Variants in SLC35E4 observed in about 807,000 individuals in gnomAD.
SLC35E4 encodes solute carrier family 35 member E4.
Under a neutral mutation model 19.3 loss-of-function variants are expected in SLC35E4, and 15 were observed. The observed-to-expected ratio is 0.78, with a 90% CI of 0.52 to 1.20. SLC35E4 has a LOEUF of 1.20. Among genes scored for constraint, SLC35E4 ranks in the 50% most tolerant of loss-of-function variants. SLC35E4 has a pLI of 0.00. For synonymous variants in SLC35E4, 219 were observed against 219.9 expected (o/e 1.00, Z 0.04); for missense variants, 406 against 472.3 (o/e 0.86, Z 1.30).
downstream of SLC35E4, among the ~76,000 whole-genome samples, chr22:30,650,168 C>T (rs1423621725): frequency 2.1e-5 from 3 of 142,852 alleles, no homozygotes; most frequent in African/African-American, 7.9e-5. Flanking sequence ...CCCGTCTCTA[C>T]TAAAAATACA....
chr22:30,646,485 C>T (rs138747379), intron 1 of SLC35E4, 113 bp from the exon 2 acceptor site: 3 of 1,278,596 alleles, frequency 2.3e-6, no homozygotes, highest in Non-Finnish European at 3.2e-6. Context: ...AGCCACTAGC[C>T]CTGCCCGAGG....
chr22:30,638,286 G>A (rs1314353029), intron 1 of SLC35E4, among the ~76,000 whole-genome samples: 3 of 151,566 alleles, frequency 2.0e-5, no homozygotes, highest in African/African-American at 4.9e-5. Flanking sequence ...TGGATCATGA[G>A]GTCAGAAGTT....
At position 30,636,251 on chromosome 22, in the gene SLC35E4, CCTGT is replaced by C. The variant is rs2087942879; in HGVS notation, c.-196_-193del. The C allele has an allele frequency of 1.3e-6, 1 of 765,592 alleles. No individual in the cohort carries two copies. The highest frequency in any genetic ancestry group is 2.0e-6 in the Non-Finnish European group (1 of 511,518). The allele number at this position is 765,592 out of a possible 1,614,324, so 47.4% of individuals were successfully genotyped here. On this transcript the variant is annotated 5_prime_UTR_variant, in exon 1 of 2. Coordinates refer to ENST00000343605, the MANE Select transcript of SLC35E4 (RefSeq NM_001001479.4). ...CTAGCAGCCGCGACCTTGGCTCTGC[CCTGT>C]CTGAGCTGGAAACACAGCTTAGCTT...
At chr22:30,664,154 T>C, downstream of SLC35E4, 1 of 687,176 alleles carries the variant, frequency 1.5e-6, no homozygotes, top group Non-Finnish European at 2.5e-6. Context: ...GGGAAATGGA[T>C]GGATAGGCTT....
intron 2 of SLC35E4, among the ~76,000 whole-genome samples, chr22:30,653,002 T>C (rs1039936514): frequency 1.2e-4 from 19 of 152,194 alleles, no homozygotes; most frequent in African/African-American, 4.6e-4. Flanking sequence ...GGACATAACC[T>C]GGAGCCCTAT....
chr22:30,662,090 A>G (rs536602349), exon 3 of SLC35E4: 2 of 151,250 alleles, frequency 1.3e-5, no homozygotes, highest in South Asian at 2.1e-4. Context: ...CTTTGTAACA[A>G]TAAAGTGCTG....
Position 30,659,203 on chromosome 22 carries a change from G to A in SLC35E4, c.*9-2857G>A, listed in dbSNP as rs142573534. ...AGCCCACAGGAGACAGATGAGGATC[G>A]AACCGAAGAGGGTCAACTGCCTCCT... On this transcript the variant is annotated intron_variant, in intron 2 of 2. Coordinates refer to the SLC35E4 transcript ENST00000406566. Among the ~76,000 whole-genome samples the A allele has an allele frequency of 1.0e-2, 1,497 of 150,052 alleles. 13 individuals are homozygous for A. The highest frequency in any genetic ancestry group is 0.031 in the South Asian group (146 of 4,772).
At chr22:30,644,460 G>C (rs1275638460) in intron 1 of SLC35E4, among the ~76,000 whole-genome samples, 1 of 152,172 alleles carries the variant, frequency 6.6e-6, no homozygotes, top group Non-Finnish European at 1.5e-5. Context: ...TGTCATTTCA[G>C]CCAGGCGCAA....
At chr22:30,665,643 G>T, downstream of SLC35E4, 1 of 436,232 alleles carries the variant, frequency 2.3e-6, no homozygotes, top group Non-Finnish European at 4.7e-6. Flanking sequence ...TTAGCCCTAT[G>T]TTCTCTCCTT....
At chr22:30,654,125 G>A (rs917954777) in intron 2 of SLC35E4, 9 of 223,798 alleles carry the variant, frequency 4.0e-5, no homozygotes, top group Non-Finnish European at 8.0e-5. Flanking sequence ...GACTACGGGC[G>A]CCCGCCACCA....
intron 2 of SLC35E4, among the ~76,000 whole-genome samples, chr22:30,657,301 ACAC>A (rs771880972): frequency 1.2e-4 from 7 of 58,382 alleles, no homozygotes; most frequent in Non-Finnish European, 4.6e-4. Context: ...ACACACACAC[ACAC>A]ACAAATTAGC....
At chr22:30,658,366 C>CT (rs2088388215) in intron 2 of SLC35E4, among the ~76,000 whole-genome samples, 2 of 150,506 alleles carry the variant, frequency 1.3e-5, no homozygotes, top group African/African-American at 4.9e-5. Context: ...CAATGAGACT[C>CT]TGTCTCTAGA....
intron 2 of SLC35E4, among the ~76,000 whole-genome samples, chr22:30,659,052 AG>A (rs2088403895): frequency 7.0e-6 from 1 of 142,808 alleles, no homozygotes; most frequent in Non-Finnish European, 1.5e-5. Context: ...TGAACCTGGG[AG>A]GCGGAGTTTG....
At chr22:30,663,828 G>T, downstream of SLC35E4, 1 of 1,614,222 alleles carries the variant, frequency 6.2e-7, no homozygotes, top group Non-Finnish European at 8.5e-7. Flanking sequence ...CTCATACAAG[G>T]TGTTCACTAC....
At chr22:30,665,665 C>T (rs1386333004), downstream of SLC35E4, 6 of 388,812 alleles carry the variant, frequency 1.5e-5, no homozygotes, top group Non-Finnish European at 2.6e-5. Flanking sequence ...CTAACACTTA[C>T]TGAAGACGTA....
chr22:30,649,687 C>T (rs1373777614), downstream of SLC35E4, among the ~76,000 whole-genome samples: 2 of 149,716 alleles, frequency 1.3e-5, 1 homozygote, highest in Non-Finnish European at 3.0e-5. Flanking sequence ...CACTCTCAGG[C>T]TTTGCCAGGC....
chr22:30,669,010 A>AT (rs1359505778), exon 3 of SLC35E4: 1 of 151,794 alleles, frequency 6.6e-6, no homozygotes, highest in Non-Finnish European at 1.5e-5. Flanking sequence ...AAAACAAAAA[A>AT]CTCTCAGGAT....
At chr22:30,651,317 C>T (rs2088205418), downstream of SLC35E4, among the ~76,000 whole-genome samples, 3 of 147,958 alleles carry the variant, frequency 2.0e-5, no homozygotes, top group Admixed American at 2.0e-4. Context: ...TCTTCTGCCT[C>T]AGCCTCCTGA....
downstream of SLC35E4, among the ~76,000 whole-genome samples, chr22:30,651,413 A>ATATT (rs2088212466): frequency 1.5e-5 from 1 of 64,742 alleles, no homozygotes; most frequent in Admixed American, 2.3e-4. Flanking sequence ...ATATATATAT[A>ATATT]TATATATATA....
Sources: gnomAD v4.1 joint callset for allele counts (sites outside exome capture counted in the v4.1 genomes callset) on GRCh38, gnomAD v4.1.1 for gene constraint, MANE v1.5 for transcripts, NCBI Gene and HGNC (gene_info 2026-07-23, HGNC 2026-07-21) for gene names.